Variants in CCDC148 observed in about 807,000 individuals in gnomAD.
CCDC148 encodes coiled-coil domain-containing protein 148.
A neutral mutation model predicts 85.7 loss-of-function variants in CCDC148; 89 were observed. That is an observed-to-expected ratio of 1.04 (90% CI 0.87 to 1.24). The LOEUF (loss-of-function observed/expected upper bound fraction) is 1.24, where lower values mean the gene tolerates loss of function less well. Among genes scored for constraint, CCDC148 ranks in the 50% most tolerant of loss-of-function variants. The pLI is 0.00. For synonymous variants in CCDC148, 230 were observed against 213.9 expected (o/e 1.08, Z -0.66); for missense variants, 692 against 671.7 (o/e 1.03, Z -0.33).
At chr2:158,356,417 G>A (rs1229126859) in intron 2 of CCDC148, among the ~76,000 whole-genome samples, 16 of 145,870 alleles carry the variant, frequency 1.1e-4, no homozygotes, top group East Asian at 6.2e-4. Flanking sequence ...AAAAGTGGGC[G>A]AAGGACATGA....
intron 11 of CCDC148, among the ~76,000 whole-genome samples, chr2:158,209,417 C>T (rs1016642254): frequency 6.6e-6 from 1 of 152,164 alleles, no homozygotes; most frequent in Non-Finnish European, 1.5e-5. Context: ...GTAATAAAGA[C>T]ATCAATACAT....
chr2:158,436,994 A>C lies in CCDC148; in HGVS notation c.25+19421T>G, dbSNP rs1687687354. Reference sequence around the variant, plus strand: ...ATTGAGGCAATAATTAATAGCTTACAAACCAAAAAAAGTCCAGGACCAGAT... The same window carrying C: ...ATTGAGGCAATAATTAATAGCTTACCAACCAAAAAAAGTCCAGGACCAGAT... On this transcript the variant is annotated intron_variant, in intron 1 of 13. Coordinates refer to ENST00000283233, the MANE Select transcript of CCDC148 (RefSeq NM_138803.4). 2.6e-5 allele frequency among the ~76,000 whole-genome samples: 4 copies of C among 152,110 alleles called. No individual in the cohort carries two copies. In the South Asian group the frequency reaches 8.3e-4, roughly 32 times the overall value.
At chr2:158,280,541 T>C (rs1180604824) in intron 9 of CCDC148, among the ~76,000 whole-genome samples, 5 of 152,112 alleles carry the variant, frequency 3.3e-5, no homozygotes, top group East Asian at 3.8e-4. Flanking sequence ...GGCCAATACA[T>C]AATGGTAAAG....
At chr2:158,345,566 A>C (rs1682955092) in intron 2 of CCDC148, among the ~76,000 whole-genome samples, 1 of 152,214 alleles carries the variant, frequency 6.6e-6, no homozygotes, top group Admixed American at 6.5e-5. Flanking sequence ...AAACAAAGGC[A>C]AAGTCATTCT....
chr2:158,436,648 G>C (rs1687665249), intron 1 of CCDC148, among the ~76,000 whole-genome samples: 1 of 142,990 alleles, frequency 7.0e-6, no homozygotes, highest in South Asian at 2.6e-4. Flanking sequence ...GAAGGAGATA[G>C]AGACATGAAA....
At chr2:158,294,398 A>C (rs960216801) in intron 9 of CCDC148, among the ~76,000 whole-genome samples, 4 of 152,090 alleles carry the variant, frequency 2.6e-5, no homozygotes, top group African/African-American at 2.4e-5. Flanking sequence ...TTTACTTATA[A>C]ATTTTTGTGT....
At chr2:158,281,798 A>T (rs564330321) in intron 9 of CCDC148, among the ~76,000 whole-genome samples, 10 of 152,208 alleles carry the variant, frequency 6.6e-5, no homozygotes, top group Non-Finnish European at 1.5e-4. Context: ...TCATCCTGAT[A>T]CCAAAGCCGG....
intron 10 of CCDC148, among the ~76,000 whole-genome samples, chr2:158,247,842 C>T (rs10191125): frequency 0.039 from 5,972 of 152,020 alleles, 263 homozygotes; most frequent in East Asian, 0.1. Context: ...GGCGACAGAG[C>T]GAGACTCTGT....
At chr2:158,242,129 C>A (rs1688375420) in intron 10 of CCDC148, among the ~76,000 whole-genome samples, 1 of 152,114 alleles carries the variant, frequency 6.6e-6, no homozygotes, top group Non-Finnish European at 1.5e-5. Context: ...TGGTATAGTT[C>A]TGCCATTCTA....
intron 2 of CCDC148, among the ~76,000 whole-genome samples, chr2:158,355,023 C>T (rs917506186): frequency 1.3e-5 from 2 of 152,152 alleles, no homozygotes; most frequent in African/African-American, 4.8e-5. Context: ...TGACAAAATT[C>T]AACAATCCTT....
chr2:158,235,113 C>T lies in CCDC148; in HGVS notation c.1252-14400G>A, dbSNP rs1688042719. ...CTACGTAACAAACCTGCACATGTGC[C>T]CCTAAACTTTAAATAAAAGTTAAAA... is the stretch of plus-strand genomic sequence containing the variant. On this transcript the variant is annotated intron_variant, in intron 10 of 13. Coordinates refer to ENST00000283233, the MANE Select transcript of CCDC148 (RefSeq NM_138803.4). Among the ~76,000 whole-genome samples the T allele has an allele frequency of 2.0e-5, 3 of 151,912 alleles. No individual in the cohort carries two copies. The South Asian group carries it at 6.3e-4, about 32-fold the overall frequency.
Position 158,345,270 on chromosome 2 carries a change from T to C in CCDC148, c.196A>G (p.Ile66Val). 1 of 1,613,672 alleles carries C rather than the reference T, an allele frequency of 6.2e-7. No homozygotes were observed. The highest frequency in any genetic ancestry group is 8.5e-7 in the Non-Finnish European group (1 of 1,179,728). Residue 66 changes from isoleucine (I) to valine (V), a missense_variant, in exon 3 of 14, where the codon ATA becomes GTA. By Grantham distance (29) the Ile-to-Val change is conservative. Transcript: ENST00000283233. ...CACCACACTTGCTTGTGTTGTTTTATTAGTGTTTGTTCTTTGGATAACTTT... is the reference window on the plus strand; with the variant it reads ...CACCACACTTGCTTGTGTTGTTTTACTAGTGTTTGTTCTTTGGATAACTTT... ...TSKLSKEQTL[I>V]KQHKQVWWQE...
At chr2:158,379,253 T>A (rs1024697938) in intron 1 of CCDC148, among the ~76,000 whole-genome samples, 1 of 152,004 alleles carries the variant, frequency 6.6e-6, no homozygotes, top group African/African-American at 2.4e-5. Context: ...GCAGATGTGG[T>A]GAAAATAGCA....
chr2:158,370,827 C>T (rs1684405102), intron 1 of CCDC148, among the ~76,000 whole-genome samples: 1 of 148,588 alleles, frequency 6.7e-6, no homozygotes, highest in Non-Finnish European at 1.5e-5. Flanking sequence ...TAGGAATAAA[C>T]TATATAAGAA....
chr2:158,223,021 T>C (rs1337345591), intron 10 of CCDC148, among the ~76,000 whole-genome samples: 1 of 152,100 alleles, frequency 6.6e-6, no homozygotes, highest in Non-Finnish European at 1.5e-5. Context: ...GCGTGAGGCA[T>C]CGCCTCACCT....
intron 9 of CCDC148, among the ~76,000 whole-genome samples, chr2:158,266,888 T>A (rs1014439093): frequency 1.5e-5 from 2 of 134,674 alleles, no homozygotes; most frequent in African/African-American, 2.6e-5. Flanking sequence ...ATATATATAT[T>A]TATTTACATA....
At chr2:158,231,198 A>G (rs1048625231) in intron 10 of CCDC148, among the ~76,000 whole-genome samples, 3 of 152,202 alleles carry the variant, frequency 2.0e-5, no homozygotes, top group Non-Finnish European at 4.4e-5. Context: ...GGATGTGAAC[A>G]GGAAAGAGAA....
intron 1 of CCDC148, among the ~76,000 whole-genome samples, chr2:158,445,401 T>G (rs990163761): frequency 5.9e-5 from 9 of 152,224 alleles, no homozygotes; most frequent in Admixed American, 5.2e-4. Flanking sequence ...ACTGGAGATT[T>G]CATTGACCTT....
chr2:158,324,292 C>G (rs988714946), intron 7 of CCDC148, among the ~76,000 whole-genome samples: 1 of 151,838 alleles, frequency 6.6e-6, no homozygotes, highest in Admixed American at 6.6e-5. Flanking sequence ...ATAGATGTAA[C>G]GCTTTCAGAA....
Sources: gnomAD v4.1 joint callset for allele counts (sites outside exome capture counted in the v4.1 genomes callset) on GRCh38, gnomAD v4.1.1 for gene constraint, MANE v1.5 for transcripts, NCBI Gene and HGNC (gene_info 2026-07-23, HGNC 2026-07-21) for gene names.